KIAA0825: variants seen among roughly 807,000 people sequenced by gnomAD.
KIAA0825 encodes uncharacterized protein KIAA0825.
KIAA0825 carries 119 observed loss-of-function variants against 147.6 expected under a neutral mutation model. That is an observed-to-expected ratio of 0.81 (90% CI 0.69 to 0.94). The LOEUF (loss-of-function observed/expected upper bound fraction) is 0.94. KIAA0825 is among the 40% of genes least tolerant of loss of function. The probability of loss-of-function intolerance (pLI) is 0.00; values close to 1 mark genes in which losing one functional copy is unlikely to be tolerated. For missense variants in KIAA0825, 1,381 were observed against 1,472.7 expected (o/e 0.94, Z 1.02); for synonymous variants, 470 against 518.1 (o/e 0.91, Z 1.26).
At chr5:94,593,670 T>C (rs754957546) in intron 1 of KIAA0825, 1 of 412,438 alleles carries the variant, frequency 2.4e-6, no homozygotes, top group Non-Finnish European at 4.7e-6. Context: ...AAAGCAGAAA[T>C]TCATGTCTGA....
chr5:94,333,849 A>G (rs1351088637), intron 20 of KIAA0825, among the ~76,000 whole-genome samples: 1 of 152,214 alleles, frequency 6.6e-6, no homozygotes, highest in East Asian at 1.9e-4. Context: ...TTCCATTCAC[A>G]ATTGCTACAA....
rs1172838355 is a variant in KIAA0825 at position 94,356,725 on chromosome 5, C to CTTTTTTTT, written c.3710+27635_3710+27642dup. ...TCAAACTTAAGGTTTAACTTGATTT[C>CTTTTTTTT]TTTTTTTTTTTTTTTTTGAGACGGA... is the stretch of plus-strand genomic sequence containing the variant. On this transcript the variant is annotated intron_variant, in intron 20 of 20. Coordinates refer to ENST00000682413, the MANE Select transcript of KIAA0825 (RefSeq NM_001145678.3). Among the ~76,000 whole-genome samples, 148 of 116,698 alleles carry CTTTTTTTT rather than the reference C, an allele frequency of 1.3e-3. 10 individuals are homozygous for CTTTTTTTT. The highest frequency in any genetic ancestry group is 1.4e-3 in the Non-Finnish European group (83 of 58,084). 76.6% of individuals were successfully genotyped at this position (116,698 alleles called of 152,430 possible).
intron 20 of KIAA0825, among the ~76,000 whole-genome samples, chr5:94,311,053 T>A (rs1459789102): frequency 2.0e-5 from 3 of 151,616 alleles, no homozygotes; most frequent in Non-Finnish European, 4.4e-5. Flanking sequence ...AAATTGTAAA[T>A]AGCAAGGGTG....
chr5:94,321,261 A>G (rs1780170026), intron 20 of KIAA0825, among the ~76,000 whole-genome samples: 1 of 152,010 alleles, frequency 6.6e-6, no homozygotes. Flanking sequence ...GAGAGCTACA[A>G]AATTGAGTAT....
chr5:94,368,609 A>C (rs1175170927), intron 20 of KIAA0825, among the ~76,000 whole-genome samples: 1 of 152,192 alleles, frequency 6.6e-6, no homozygotes, highest in Non-Finnish European at 1.5e-5. Context: ...GAGGGCACTG[A>C]ATTTTGAGAG....
At chr5:94,499,289 C>T (rs965933721) in intron 5 of KIAA0825, among the ~76,000 whole-genome samples, 1 of 152,148 alleles carries the variant, frequency 6.6e-6, no homozygotes, top group African/African-American at 2.4e-5. Flanking sequence ...TCCAAGTAAA[C>T]TCTCCATGCT....
chr5:94,519,590 A>G (rs1767785124), intron 5 of KIAA0825: 1 of 600,988 alleles, frequency 1.7e-6, no homozygotes, highest in Non-Finnish European at 2.1e-6. Context: ...TAGTAGAGAA[A>G]CTTTAAAAAT....
chr5:94,576,669 A>T (rs13188933), intron 2 of KIAA0825, among the ~76,000 whole-genome samples: 1 of 152,212 alleles, frequency 6.6e-6, no homozygotes, highest in African/African-American at 2.4e-5. Context: ...GTATTCTGTT[A>T]TGAGCAACAG....
rs983000106 is a variant in KIAA0825, at chr5:94,330,856, C to A, written c.3710+53512G>T. Among the ~76,000 whole-genome samples the A allele has an allele frequency of 2.0e-5, 3 of 151,990 alleles. No homozygotes were observed. The East Asian group carries it at 5.8e-4, about 29-fold the overall frequency. On this transcript the variant is annotated intron_variant, in intron 20 of 20. Transcript: ENST00000682413. Reference sequence around the variant, plus strand: ...TACTATCAGAAATGAAATGAGGGGCCAAGCACTGTAGGTCACACCTGTAAT... The same window carrying A: ...TACTATCAGAAATGAAATGAGGGGCAAAGCACTGTAGGTCACACCTGTAAT...
intron 2 of KIAA0825, among the ~76,000 whole-genome samples, chr5:94,558,886 A>C: frequency 6.6e-6 from 1 of 152,228 alleles, no homozygotes; most frequent in East Asian, 1.9e-4. Context: ...AGACACACAG[A>C]GAAGGATCAT....
At position 94,465,060 on chromosome 5, in the gene KIAA0825, C is replaced by A; in HGVS notation, c.1873-1G>T. 2.6e-6 allele frequency: 4 copies of A among 1,550,906 alleles called. No individual in the cohort carries two copies. The highest frequency in any genetic ancestry group is 3.5e-6 in the Non-Finnish European group (4 of 1,146,518). On this transcript the variant is annotated splice_acceptor_variant, in intron 10 of 20. Coordinates refer to ENST00000682413, the MANE Select transcript of KIAA0825 (RefSeq NM_001145678.3). LOFTEE classifies it high-confidence loss of function. Reference sequence around the variant, plus strand: ...GGATCGAGAAGGAACATCTTTCCCCCTGGCAAAGCCAGCACACGTTAAACC... The same window carrying A: ...GGATCGAGAAGGAACATCTTTCCCCATGGCAAAGCCAGCACACGTTAAACC...
intron 20 of KIAA0825, among the ~76,000 whole-genome samples, chr5:94,173,786 C>T (rs1244032067): frequency 6.6e-6 from 1 of 152,068 alleles, no homozygotes; most frequent in Admixed American, 6.6e-5. Context: ...AAATACAATC[C>T]ACCACACTTA....
chr5:94,318,605 G>A (rs1282554583), intron 20 of KIAA0825, among the ~76,000 whole-genome samples: 1 of 151,842 alleles, frequency 6.6e-6, no homozygotes, highest in African/African-American at 2.4e-5. Context: ...GTGGTACAAT[G>A]GTCTGAGCTC....
intron 5 of KIAA0825, among the ~76,000 whole-genome samples, chr5:94,486,611 A>C (rs1763082459): frequency 6.6e-6 from 1 of 152,156 alleles, no homozygotes; most frequent in Non-Finnish European, 1.5e-5. Flanking sequence ...TTAGCCCAAT[A>C]TACATGAAAA....
chr5:94,590,580 C>T (rs17327757), intron 1 of KIAA0825, among the ~76,000 whole-genome samples: 1 of 152,150 alleles, frequency 6.6e-6, no homozygotes, highest in Non-Finnish European at 1.5e-5. Flanking sequence ...TACTGCAAAT[C>T]ACCTATACCC....
At chr5:94,181,219 C>T (rs1003027782) in intron 20 of KIAA0825, among the ~76,000 whole-genome samples, 3 of 152,100 alleles carry the variant, frequency 2.0e-5, no homozygotes, top group Non-Finnish European at 4.4e-5. Flanking sequence ...GCATTGTGAG[C>T]ATTATATCTG....
At chr5:94,227,107 T>C (rs547045458) in intron 20 of KIAA0825, among the ~76,000 whole-genome samples, 1 of 152,340 alleles carries the variant, frequency 6.6e-6, no homozygotes, top group East Asian at 1.9e-4. Context: ...CGTATGTTTA[T>C]TGCTGCACTA....
intron 20 of KIAA0825, among the ~76,000 whole-genome samples, chr5:94,293,117 T>G (rs965521008): frequency 1.3e-5 from 2 of 152,144 alleles, no homozygotes; most frequent in Non-Finnish European, 2.9e-5. Context: ...CTCCTTCAGT[T>G]CTGCTCTGAT....
At chr5:94,446,508 T>A (rs1006172241) in intron 13 of KIAA0825, among the ~76,000 whole-genome samples, 9 of 152,074 alleles carry the variant, frequency 5.9e-5, no homozygotes, top group African/African-American at 2.2e-4. Context: ...ATTACCTATG[T>A]GAAAGAGAAA....
Sources: allele counts gnomAD v4.1 joint callset (sites outside exome capture counted in the v4.1 genomes callset), GRCh38; gene constraint gnomAD v4.1.1; transcripts MANE v1.5; gene names NCBI Gene and HGNC (gene_info 2026-07-23, HGNC 2026-07-21).